AP2A1: variants seen among roughly 807,000 people sequenced by gnomAD.
The protein encoded by AP2A1 is AP-2 complex subunit alpha-1.
AP2A1 carries 21 observed loss-of-function variants against 107.3 expected under a neutral mutation model. The ratio of observed to expected loss-of-function variants is 0.20; its 90% CI spans 0.14 to 0.28. The LOEUF (loss-of-function observed/expected upper bound fraction) is 0.28, where lower values mean the gene tolerates loss of function less well. Among genes scored for constraint, AP2A1 ranks in the 10% least tolerant of loss-of-function variants. The pLI, the probability that AP2A1 is intolerant of heterozygous loss-of-function variation, is 1.00. For missense variants in AP2A1, 873 were observed against 1,307.7 expected, an observed-to-expected ratio of 0.67 and a Z score of 5.13; for synonymous variants, 602 against 564.8, an observed-to-expected ratio of 1.07 and a Z score of -0.93.
intron 1 of AP2A1, among the ~76,000 whole-genome samples, chr19:49,774,989 C>T (rs1417191019): frequency 1.1e-4 from 16 of 151,862 alleles, no homozygotes; most frequent in African/African-American, 3.9e-4. Flanking sequence ...TTTGTGGGGC[C>T]GAGGCGGGCA....
In AP2A1 at chr19:49,801,576, C is replaced by T; in HGVS notation, c.1740C>T (p.Ala580=). The change falls in exon 13 of 23, where the codon GCC becomes GCT. Residue 580 remains alanine, a synonymous_variant. Transcript: ENST00000354293. The stretch of plus-strand genomic sequence containing the variant: ...CTGACGTGGAGCTGCAGCAGCGAGC[C>T]GTGGAGTACCTCACCCTCAGCTCAG... ...RNADVELQQR[A]VEYLTLSSVA... is the part of the protein sequence containing the mutation. The T allele has an allele frequency of 1.2e-6, 2 of 1,613,378 alleles. No homozygotes were observed. Among genetic ancestry groups the T allele is most frequent in the Non-Finnish European group, 1.7e-6 (2 of 1,179,768 alleles).
At chr19:49,798,738 C>G (rs1399747055) in intron 7 of AP2A1, 64 bp from the exon 8 acceptor site, 70 of 1,547,334 alleles carry the variant, frequency 4.5e-5, no homozygotes, top group Non-Finnish European at 6.1e-6. Context: ...GCATGGCCAC[C>G]ACCCCAGCAG....
intron 18 of AP2A1, chr19:49,804,268 A>C (rs1223433112): frequency 6.6e-6 from 1 of 152,154 alleles, no homozygotes; most frequent in Non-Finnish European, 1.5e-5. Flanking sequence ...TCGGTCGGGC[A>C]CGGTGGCTCA....
chr19:49,775,512 G>T (rs1238342905), intron 1 of AP2A1, among the ~76,000 whole-genome samples: 1 of 152,020 alleles, frequency 6.6e-6, no homozygotes, highest in African/African-American at 2.4e-5. Context: ...ATGGGATTTT[G>T]CCATGTTGGC....
chr19:49,774,229 C>T (rs950556363), intron 1 of AP2A1, among the ~76,000 whole-genome samples: 2 of 152,224 alleles, frequency 1.3e-5, no homozygotes, highest in Non-Finnish European at 2.9e-5. Context: ...AACACCTCCC[C>T]TGTGCCAGGC....
chr19:49,780,972 G>A lies in AP2A1; in HGVS notation c.68-785G>A, dbSNP rs577257809. Among the ~76,000 whole-genome samples the A allele has an allele frequency of 4.6e-5, 7 of 152,268 alleles. No individual in the cohort carries two copies. In the East Asian group the frequency reaches 1.4e-3, roughly 29 times the overall value. ...GAACGGTAGAACCTGTCAAGGGAGGGATGAAGTCTGGGGTGAGTGGAACAG... is the reference window on the plus strand; with the variant it reads ...GAACGGTAGAACCTGTCAAGGGAGGAATGAAGTCTGGGGTGAGTGGAACAG... On this transcript the variant is annotated intron_variant, in intron 1 of 22. Transcript: ENST00000354293.
intron 1 of AP2A1, among the ~76,000 whole-genome samples, chr19:49,770,425 G>A (rs916720627): frequency 2.6e-5 from 4 of 152,144 alleles, no homozygotes; most frequent in Admixed American, 1.3e-4. Flanking sequence ...GGGGACACTG[G>A]TGAACAGGAC....
At chr19:49,799,068 G>C (rs2073245270) in intron 8 of AP2A1, 116 bp downstream of exon 8, 1 of 1,387,460 alleles carries the variant, frequency 7.2e-7, no homozygotes, top group Admixed American at 2.3e-5. Flanking sequence ...AGGTAGGGTA[G>C]GAGGAGGATG....
At chr19:49,767,267 G>T in intron 1 of AP2A1, 67 bp downstream of exon 1, 1 of 1,571,678 alleles carries the variant, frequency 6.4e-7, no homozygotes, top group East Asian at 2.2e-5. Flanking sequence ...AGGGGTTTGG[G>T]GATCACAGAG....
Position 49,767,027 on chromosome 19 carries a change from T to C in AP2A1, c.-107T>C. On this transcript the variant is annotated 5_prime_UTR_variant, in exon 1 of 23. Transcript: ENST00000354293. Reference sequence around the variant, plus strand: ...CCAGCCAGCCCTCCCCGCGGCCGGCTCGGCTCCTTGGCGCTGCCTGGGGTC... The same window carrying C: ...CCAGCCAGCCCTCCCCGCGGCCGGCCCGGCTCCTTGGCGCTGCCTGGGGTC... 11 of 1,064,150 alleles carry C rather than the reference T, an allele frequency of 1.0e-5. 1 individual carries two copies. In the South Asian group the frequency reaches 1.8e-4, roughly 17 times the overall value. 65.9% of individuals were successfully genotyped at this position (1,064,150 alleles called of 1,614,324 possible).
At chr19:49,805,164 AGGT>A in intron 18 of AP2A1, 1 of 382,354 alleles carries the variant, frequency 2.6e-6, no homozygotes, top group South Asian at 7.9e-5. Flanking sequence ...ACAGCCACTC[AGGT>A]GGTTAAGAGC....
In AP2A1 at chr19:49,767,079, C is replaced by T. The variant is rs1238764208; in HGVS notation, c.-55C>T. The T allele has an allele frequency of 1.3e-5, 20 of 1,566,432 alleles. No homozygotes were observed. The East Asian group carries it at 1.7e-4, about 13-fold the overall frequency. ...TTTCCGCCCGGTCCCCGCTTGCCAG[C>T]CCCCGCTGCTCTGTGCCCTGTCCGG... On this transcript the variant is annotated 5_prime_UTR_variant, in exon 1 of 23. Coordinates refer to ENST00000354293, the MANE Select transcript of AP2A1 (RefSeq NM_130787.3).
At chr19:49,795,493 CAA>C in intron 6 of AP2A1, 135 bp from the exon 7 acceptor site, 1 of 642,552 alleles carries the variant, frequency 1.6e-6, no homozygotes, top group Non-Finnish European at 2.8e-6. Flanking sequence ...CCTGTCTCTA[CAA>C]AAAAAACCCA....
chr19:49,792,728 C>T (rs973640020), intron 5 of AP2A1, among the ~76,000 whole-genome samples: 1 of 152,156 alleles, frequency 6.6e-6, no homozygotes, highest in African/African-American at 2.4e-5. Context: ...CCTCTAGAGT[C>T]TCGCCCCTTC....
intron 5 of AP2A1, among the ~76,000 whole-genome samples, 193 bp from the exon 6 acceptor site, chr19:49,792,798 T>A (rs550429509): frequency 6.6e-6 from 1 of 152,230 alleles, no homozygotes; most frequent in South Asian, 2.1e-4. Flanking sequence ...CCCAGGTCAG[T>A]GCTGGCCATG....
Position 49,769,923 on chromosome 19 carries a change from C to T in AP2A1, c.67+2723C>T, listed in dbSNP as rs1032606146. 3.9e-5 allele frequency among the ~76,000 whole-genome samples: 6 copies of T among 152,114 alleles called. No homozygotes were observed. The East Asian group carries it at 1.2e-3, about 29-fold the overall frequency. On this transcript the variant is annotated intron_variant, in intron 1 of 22. Coordinates refer to ENST00000354293, the MANE Select transcript of AP2A1 (RefSeq NM_130787.3). The stretch of plus-strand genomic sequence containing the variant: ...AGTCTCTGTTGCCCAGGTTGGAGTG[C>T]AGTGGCACGATCATACCTCACTGCA...
At chr19:49,794,289 C>T (rs537501137) in intron 6 of AP2A1, among the ~76,000 whole-genome samples, 1 of 150,426 alleles carries the variant, frequency 6.6e-6, no homozygotes, top group East Asian at 2.0e-4. Context: ...AGCCATGGTT[C>T]ACTGCAGCCT....
At chr19:49,795,222 A>G (rs1218073468) in intron 6 of AP2A1, among the ~76,000 whole-genome samples, 2 of 152,214 alleles carry the variant, frequency 1.3e-5, no homozygotes, top group Non-Finnish European at 2.9e-5. Flanking sequence ...GAAGGGAACC[A>G]GCAGAGACCT....
At chr19:49,784,490 G>A (rs1047318464) in intron 4 of AP2A1, among the ~76,000 whole-genome samples, 2 of 152,148 alleles carry the variant, frequency 1.3e-5, no homozygotes, top group Admixed American at 6.5e-5. Flanking sequence ...TATACAGAAT[G>A]TAAAAGAAGT....
Sources: allele counts gnomAD v4.1 joint callset (sites outside exome capture counted in the v4.1 genomes callset), GRCh38; gene constraint gnomAD v4.1.1; transcripts MANE v1.5; gene names NCBI Gene and HGNC (gene_info 2026-07-23, HGNC 2026-07-21).